Variants in FSTL5 observed in about 807,000 individuals in gnomAD.
FSTL5 encodes the protein follistatin like 5, also known as follistatin-related protein 5.
FSTL5 carries 62 observed loss-of-function variants against 89.1 expected under a neutral mutation model. The ratio of observed to expected loss-of-function variants is 0.70; its 90% confidence interval spans 0.57 to 0.86. The LOEUF (loss-of-function observed/expected upper bound fraction) is 0.86. Among genes scored for constraint, FSTL5 ranks in the 40% least tolerant of loss-of-function variants. The pLI is 0.00. For missense variants in FSTL5, 1,057 were observed against 1,001.6 expected (o/e 1.06, Z -0.75); for synonymous variants, 383 against 346.2 (o/e 1.11, Z -1.18).
At chr4:161,806,585 C>T (rs1560856519) in intron 4 of FSTL5, among the ~76,000 whole-genome samples, 1 of 151,980 alleles carries the variant, frequency 6.6e-6, no homozygotes, top group East Asian at 1.9e-4. Flanking sequence ...TCAGAATAGT[C>T]TAAGTAAAGC....
intron 6 of FSTL5, among the ~76,000 whole-genome samples, chr4:161,722,205 G>A (rs1020442655): frequency 6.6e-6 from 1 of 152,114 alleles, no homozygotes; most frequent in Non-Finnish European, 1.5e-5. Flanking sequence ...TGAAAACACA[G>A]CTGGGGAATT....
rs1239113133 is a variant in FSTL5, at chr4:161,611,114, GAA to G, written c.895-23541_895-23540del. Among the ~76,000 whole-genome samples, 9 of 141,102 alleles carry G rather than the reference GAA, an allele frequency of 6.4e-5. No homozygotes were observed. In the East Asian group the frequency reaches 1.3e-3, roughly 20 times the overall value. The allele number at this position is 141,102 out of a possible 152,430, so 92.6% of individuals were successfully genotyped here. ...CTCAGAGGAAGTGAGGACAAGAAAA[GAA>G]AAGATACATATATATATATATGTAT... On this transcript the variant is annotated intron_variant, in intron 7 of 15. Transcript: ENST00000306100.
At chr4:161,462,070 C>T (rs552679598) in intron 13 of FSTL5, among the ~76,000 whole-genome samples, 15 of 152,258 alleles carry the variant, frequency 9.9e-5, no homozygotes, top group African/African-American at 2.9e-4. Context: ...TTTCACCAGG[C>T]CTTTCATAAG....
chr4:161,743,166 T>C (rs1456861750), intron 6 of FSTL5, among the ~76,000 whole-genome samples: 1 of 152,172 alleles, frequency 6.6e-6, no homozygotes, highest in Non-Finnish European at 1.5e-5. Context: ...GTTCCTCCTA[T>C]GTTTTCTTCT....
In FSTL5 at chr4:162,089,395, G is replaced by A. The variant is rs142866379; in HGVS notation, c.126+21876C>T. ...CACGCCTATAATCTCAGCACTTTGG[G>A]ATGCCGAGGCGGGTGGATCTCTTGA... On this transcript the variant is annotated intron_variant, in intron 2 of 15. Transcript: ENST00000306100. Among the ~76,000 whole-genome samples the A allele has an allele frequency of 3.1e-3, 470 of 152,172 alleles. 2 individuals are homozygous for A. The highest frequency in any genetic ancestry group is 9.8e-3 in the African/African-American group (406 of 41,526).
At chr4:161,458,991 C>T (rs564659609) in intron 14 of FSTL5, among the ~76,000 whole-genome samples, 10 of 152,084 alleles carry the variant, frequency 6.6e-5, no homozygotes, top group South Asian at 2.1e-4. Context: ...TTATTCTTTT[C>T]GCATATAAAT....
intron 15 of FSTL5, among the ~76,000 whole-genome samples, chr4:161,415,875 G>T (rs1187304441): frequency 6.7e-6 from 1 of 148,404 alleles, no homozygotes; most frequent in Non-Finnish European, 1.5e-5. Context: ...GCTGCTATTT[G>T]ACATTGTTCT....
intron 4 of FSTL5, among the ~76,000 whole-genome samples, chr4:161,787,788 T>C (rs1741957048): frequency 6.6e-6 from 1 of 152,170 alleles, no homozygotes; most frequent in Admixed American, 6.5e-5. Flanking sequence ...TGTAGAGATA[T>C]ATTCCTTTGA....
chr4:162,104,090 C>T (rs556335352), intron 2 of FSTL5, among the ~76,000 whole-genome samples: 2 of 152,380 alleles, frequency 1.3e-5, no homozygotes, highest in South Asian at 4.1e-4. Context: ...CTGTTTGCCA[C>T]TATCGCAGAC....
rs1263134794 is a variant in FSTL5 at position 162,033,671 on chromosome 4, CAG to C, written c.127-15_127-14del. 4.8e-6 allele frequency: 7 copies of C among 1,452,486 alleles called. No individual in the cohort carries two copies. Among genetic ancestry groups the C allele is most frequent in the Non-Finnish European group, 6.6e-6 (7 of 1,053,614 alleles). 90.0% of individuals were successfully genotyped at this position (1,452,486 alleles called of 1,614,324 possible). A position where few individuals can be genotyped will look rare whatever the true frequency, so the allele number is the denominator to read the frequency against. ...GATTTTTTTCCTGCTGGAAATAAAA[CAG>C]AAAATAGGTCAAAATATGTAAGTAA... On this transcript the variant is annotated splice_polypyrimidine_tract_variant and intron_variant, in intron 2 of 15. Transcript: ENST00000306100.
intron 6 of FSTL5, among the ~76,000 whole-genome samples, chr4:161,733,241 T>G (rs926288772): frequency 3.9e-5 from 6 of 152,012 alleles, no homozygotes; most frequent in Non-Finnish European, 8.8e-5. Flanking sequence ...TTGTTGCTTT[T>G]GTAAACCTTT....
At chr4:161,620,107 C>A (rs1269768593) in intron 7 of FSTL5, among the ~76,000 whole-genome samples, 3 of 145,570 alleles carry the variant, frequency 2.1e-5, no homozygotes, top group African/African-American at 7.7e-5. Flanking sequence ...AGAACCACCG[C>A]ATATTCTCAC....
At chr4:161,450,890 C>T (rs1477343290) in intron 15 of FSTL5, among the ~76,000 whole-genome samples, 2 of 151,682 alleles carry the variant, frequency 1.3e-5, no homozygotes, top group Non-Finnish European at 2.9e-5. Context: ...ACTACAGGCG[C>T]CCACCACCAC....
At chr4:161,729,172 C>T (rs1236795141) in intron 6 of FSTL5, among the ~76,000 whole-genome samples, 4 of 152,150 alleles carry the variant, frequency 2.6e-5, no homozygotes, top group Admixed American at 6.5e-5. Flanking sequence ...GAACCCTTAC[C>T]GCCTCCCCTA....
intron 6 of FSTL5, among the ~76,000 whole-genome samples, chr4:161,752,303 G>T (rs1267638539): frequency 6.6e-6 from 1 of 152,064 alleles, no homozygotes; most frequent in African/African-American, 2.4e-5. Flanking sequence ...TAGATGACCT[G>T]ATGTTTCCAT....
At position 161,555,479 on chromosome 4, in the gene FSTL5, T is replaced by A. The variant is rs116208361; in HGVS notation, c.1016-12786A>T. Among the ~76,000 whole-genome samples, 1,233 of 151,630 alleles carry A rather than the reference T, an allele frequency of 8.1e-3. 13 individuals carry two copies. Among genetic ancestry groups the A allele is most frequent in the African/African-American group, 0.027 (1,131 of 41,464 alleles). ...TGATGCTGGTTTCTTTTTGACAGAT[T>A]TTATTTAATTTTATTTAATGTATAT... On this transcript the variant is annotated intron_variant, in intron 8 of 15. Coordinates refer to ENST00000306100, the MANE Select transcript of FSTL5 (RefSeq NM_020116.5).
At chr4:161,827,170 C>A (rs1199166413) in intron 4 of FSTL5, among the ~76,000 whole-genome samples, 1 of 152,174 alleles carries the variant, frequency 6.6e-6, no homozygotes, top group African/African-American at 2.4e-5. Flanking sequence ...TGTTCTCCCC[C>A]TTCCCCTAGG....
chr4:161,517,132 G>A (rs1174154730), intron 10 of FSTL5, among the ~76,000 whole-genome samples: 1 of 152,024 alleles, frequency 6.6e-6, no homozygotes, highest in Non-Finnish European at 1.5e-5. Flanking sequence ...CAGGTAATCT[G>A]CCTGCCTCGG....
chr4:162,156,335 G>C (rs1367712239), intron 1 of FSTL5, among the ~76,000 whole-genome samples: 1 of 152,150 alleles, frequency 6.6e-6, no homozygotes, highest in East Asian at 1.9e-4. Context: ...GCAGTTTGGA[G>C]ATTTCTCAAA....
Sources: allele counts gnomAD v4.1 joint callset (sites outside exome capture counted in the v4.1 genomes callset), GRCh38; gene constraint gnomAD v4.1.1; transcripts MANE v1.5; gene names NCBI Gene and HGNC (gene_info 2026-07-23, HGNC 2026-07-21).